The following DLG5 variants were observed in gnomAD, a reference collection of about 807,000 sequenced individuals.
DLG5 encodes discs large MAGUK scaffold protein 5.
A neutral mutation model predicts 189.8 loss-of-function variants in DLG5; 48 were observed. The observed-to-expected ratio is 0.25, with a 90% confidence interval of 0.20 to 0.32. The LOEUF (loss-of-function observed/expected upper bound fraction) is 0.32, where lower values mean the gene tolerates loss of function less well. Ranked by LOEUF, DLG5 falls within the 10% of genes least tolerant of loss-of-function variation. The probability of loss-of-function intolerance (pLI) is 1.00; values close to 1 mark genes in which losing one functional copy is unlikely to be tolerated. For synonymous variants in DLG5, 1,016 were observed against 1,054.1 expected (o/e 0.96, Z 0.70); for missense variants, 2,160 against 2,544.7 (o/e 0.85, Z 3.25).
At chr10:77,831,032 G>C (rs1434580352) in intron 9 of DLG5, among the ~76,000 whole-genome samples, 159 bp from the exon 10 acceptor site, 2 of 152,166 alleles carry the variant, frequency 1.3e-5, no homozygotes, top group Non-Finnish European at 2.9e-5. Flanking sequence ...AGGCTGCTGG[G>C]ATATCTGTGA....
chr10:77,856,255 G>A (rs927248015), intron 3 of DLG5, among the ~76,000 whole-genome samples: 4 of 152,148 alleles, frequency 2.6e-5, no homozygotes, highest in African/African-American at 9.7e-5. Context: ...GGAAGGCTGA[G>A]GTGGGAGGTT....
intron 5 of DLG5, among the ~76,000 whole-genome samples, chr10:77,852,369 C>CA (rs933547711): frequency 1.5e-4 from 23 of 151,010 alleles, no homozygotes; most frequent in African/African-American, 3.4e-4. Flanking sequence ...AACTCTGTCT[C>CA]AAAAAAAATA....
chr10:77,824,651 G>A, intron 13 of DLG5, 175 bp from the exon 14 acceptor site: 2 of 573,044 alleles, frequency 3.5e-6, no homozygotes, highest in Non-Finnish European at 6.2e-6. Context: ...GTCCAACTAA[G>A]GGGATTCTGA....
At chr10:77,867,783 A>G (rs1844743232) in intron 2 of DLG5, 1 of 362,832 alleles carries the variant, frequency 2.8e-6, no homozygotes, top group Non-Finnish European at 5.4e-6. Context: ...CTAAAAGGGG[A>G]GTCCCGAGAG....
chr10:77,924,257 ACT>A (rs1294390866), intron 1 of DLG5, among the ~76,000 whole-genome samples: 2 of 152,230 alleles, frequency 1.3e-5, no homozygotes, highest in Non-Finnish European at 1.5e-5. Context: ...AAGTCACATA[ACT>A]CTGCATTGTG....
Position 77,805,706 on chromosome 10 carries a change from G to A in DLG5, c.5123C>T (p.Ala1708Val), listed in dbSNP as rs1260087735. 2 of 1,613,790 alleles carry A rather than the reference G, an allele frequency of 1.2e-6. No homozygotes were observed. The highest frequency in any genetic ancestry group is 2.2e-5 in the South Asian group (2 of 91,064). ...GGAGTCACTGGAAAAGGCATCCAAG[G>A]CGAGCAGGTCTTTCCCGTCCTTGGA... ...SGSKDGKDLL[A>V]LDAFSSDSIP... is the part of the protein sequence containing the mutation. The change falls in exon 27 of 32, where the codon GCC (alanine) becomes GTC (valine). Residue 1708 changes from alanine to valine, a missense_variant. Physicochemically the swap from Ala to Val is moderately conservative, Grantham distance 64. Transcript: ENST00000372391.
intron 23 of DLG5, among the ~76,000 whole-genome samples, 188 bp downstream of exon 23, chr10:77,810,906 G>A (rs770270408): frequency 2.0e-5 from 3 of 152,246 alleles, no homozygotes; most frequent in Non-Finnish European, 2.9e-5. Context: ...AGGAGAAAAA[G>A]AGAAAGGAAA....
chr10:77,813,110 A>T (rs2154575343), intron 20 of DLG5, among the ~76,000 whole-genome samples: 1 of 152,368 alleles, frequency 6.6e-6, no homozygotes, highest in South Asian at 2.1e-4. Flanking sequence ...CAGAGGAGAA[A>T]GACAATCAGA....
At chr10:77,825,994 A>G (rs1449675155) in intron 13 of DLG5, among the ~76,000 whole-genome samples, 15 of 152,336 alleles carry the variant, frequency 9.8e-5, no homozygotes, top group Admixed American at 9.8e-4. Flanking sequence ...CTGGCTCCCC[A>G]AAAAATCTGA....
chr10:77,917,287 A>G (rs1057300997), intron 1 of DLG5, among the ~76,000 whole-genome samples: 1 of 152,022 alleles, frequency 6.6e-6, no homozygotes, highest in Non-Finnish European at 1.5e-5. Flanking sequence ...GCTTGCAGTG[A>G]GCCGAGATCG....
At chr10:77,861,751 C>T (rs1025367814) in intron 2 of DLG5, among the ~76,000 whole-genome samples, 6 of 152,210 alleles carry the variant, frequency 3.9e-5, no homozygotes, top group African/African-American at 1.4e-4. Flanking sequence ...GATTCCCATG[C>T]ACACTCAGCT....
chr10:77,802,737 T>C (rs906751860), intron 27 of DLG5, among the ~76,000 whole-genome samples: 3 of 152,062 alleles, frequency 2.0e-5, no homozygotes, highest in Admixed American at 1.3e-4. Context: ...CCGTCTTTAC[T>C]AAAAATACAA....
At chr10:77,863,046 C>T (rs60401238) in intron 2 of DLG5, among the ~76,000 whole-genome samples, 4,889 of 152,200 alleles carry the variant, frequency 0.032, 265 homozygotes, top group African/African-American at 0.11. Context: ...ACAAAAAATA[C>T]ATTTTACTGT....
At chr10:77,815,908 T>A (rs1842027700) in intron 20 of DLG5, 2 of 361,172 alleles carry the variant, frequency 5.5e-6, no homozygotes, top group Admixed American at 7.3e-5. Context: ...TGCGCGGGGG[T>A]GACGGATTCC....
chr10:77,795,789 T>G (rs1840885027), intron 29 of DLG5, among the ~76,000 whole-genome samples: 1 of 152,064 alleles, frequency 6.6e-6, no homozygotes, highest in African/African-American at 2.4e-5. Flanking sequence ...AATACTCTCA[T>G]CAGAGATGAG....
intron 2 of DLG5, 148 bp downstream of exon 2, chr10:77,868,981 A>C: frequency 1.5e-6 from 1 of 679,296 alleles, no homozygotes; most frequent in Admixed American, 2.7e-5. Flanking sequence ...TGATGATGGG[A>C]GAAAATGTAA....
chr10:77,797,875 C>T (rs1372726855), intron 27 of DLG5, among the ~76,000 whole-genome samples: 1 of 152,112 alleles, frequency 6.6e-6, no homozygotes, highest in Non-Finnish European at 1.5e-5. Flanking sequence ...TTGCCCTGTC[C>T]CTGTGTGTGT....
At chr10:77,803,558 C>T (rs1298560125) in intron 27 of DLG5, among the ~76,000 whole-genome samples, 1 of 152,130 alleles carries the variant, frequency 6.6e-6, no homozygotes, top group Admixed American at 6.5e-5. Flanking sequence ...AATAGACTTT[C>T]AGAAAGAAAC....
chr10:77,937,539 A>T, the DLG5 span, among the ~76,000 whole-genome samples: 91 of 152,172 alleles, frequency 6.0e-4, no homozygotes, highest in South Asian at 2.1e-3. Flanking sequence ...CTGAGAATTG[A>T]AAAAACCAAG....
Sources: gnomAD v4.1 joint callset for allele counts (sites outside exome capture counted in the v4.1 genomes callset) on GRCh38, gnomAD v4.1.1 for gene constraint, MANE v1.5 for transcripts, NCBI Gene and HGNC (gene_info 2026-07-23, HGNC 2026-07-21) for gene names.